The following PCDHGA12 variants were observed in gnomAD, a reference collection of about 807,000 sequenced individuals.
The protein encoded by PCDHGA12 is protocadherin gamma-A12.
In PCDHGA12, 43 loss-of-function variants were observed where a neutral mutation model predicts 61.1. That is an observed-to-expected ratio of 0.70 (90% CI 0.55 to 0.91). PCDHGA12 has a LOEUF of 0.91. Ranked by LOEUF, PCDHGA12 falls within the 40% of genes least tolerant of loss-of-function variation. The probability of loss-of-function intolerance (pLI) is 0.00; values close to 1 mark genes in which losing one functional copy is unlikely to be tolerated. For missense variants in PCDHGA12, 1,236 were observed against 1,227.7 expected (o/e 1.01, Z -0.10); for synonymous variants, 520 against 542.9 (o/e 0.96, Z 0.59).
At position 141,486,785 on chromosome 5, in the gene PCDHGA12, C is replaced by T. The variant is rs763174232; in HGVS notation, c.2425-8022C>T. 1.2e-5 allele frequency: 20 copies of T among 1,614,102 alleles called. No homozygotes were observed. The highest frequency in any genetic ancestry group is 5.3e-5 in the African/African-American group (4 of 74,936). On this transcript the variant is annotated intron_variant, in intron 1 of 3. Transcript: ENST00000252085. This position sits in a 1 kb window ranked among gnomAD's most constrained non-coding sequence, Gnocchi z 5.0. ...GACACTGCAGTTTGAGGTGCAGGCC[C>T]GGGATCGGGGCAACCCACCCCTTAG...
chr5:141,501,693 G>T (rs1417828433), intron 2 of PCDHGA12, among the ~76,000 whole-genome samples: 1 of 152,028 alleles, frequency 6.6e-6, no homozygotes, highest in Non-Finnish European at 1.5e-5. Context: ...TATCTGCAGG[G>T]TGATTCCGAG....
chr5:141,449,537 C>T (rs1377909573), intron 1 of PCDHGA12, among the ~76,000 whole-genome samples: 1 of 146,330 alleles, frequency 6.8e-6, no homozygotes, highest in Non-Finnish European at 1.5e-5. Flanking sequence ...TGCAGTGAGC[C>T]GAGATCGCAC....
chr5:141,431,163 A>G lies in PCDHGA12; in HGVS notation c.404A>G (p.Glu135Gly). Residue 135 changes from glutamate (E) to glycine (G), a missense_variant, in exon 1 of 4, where the codon GAA (glutamate) becomes GGA (glycine). Transcript: ENST00000252085. This position sits in a 1 kb window ranked among gnomAD's most constrained non-coding sequence, Gnocchi z 4.8. ...DINDNAPYFR[E>G]SELEIKISEN... is the part of the protein sequence containing the mutation. ...AACGACAATGCGCCTTACTTTCGTG[A>G]AAGTGAATTAGAAATAAAAATTAGT... 1 of 1,614,246 alleles carries G rather than the reference A, an allele frequency of 6.2e-7. No individual in the cohort carries two copies. Among genetic ancestry groups the G allele is most frequent in the Non-Finnish European group, 8.5e-7 (1 of 1,180,036 alleles).
At position 141,490,171 on chromosome 5, in the gene PCDHGA12, G is replaced by A. The variant is rs374421995; in HGVS notation, c.2425-4636G>A. 4 of 1,614,100 alleles carry A rather than the reference G, an allele frequency of 2.5e-6. No individual in the cohort carries two copies. The highest frequency in any genetic ancestry group is 3.4e-6 in the Non-Finnish European group (4 of 1,180,034). On this transcript the variant is annotated intron_variant, in intron 1 of 3. Coordinates refer to ENST00000252085, the MANE Select transcript of PCDHGA12 (RefSeq NM_003735.3). The surrounding 1 kb of genome is among the most constrained non-coding windows in gnomAD (Gnocchi z 5.4). ...CCATGTGTTGGGTCCCATAGACTTT[G>A]AGGAGTCACGTTTCTATGAAATTCA...
In PCDHGA12 at chr5:141,489,203, C is replaced by A; in HGVS notation, c.2425-5604C>A. On this transcript the variant is annotated intron_variant, in intron 1 of 3. Transcript: ENST00000252085. The surrounding 1 kb of genome is among the most constrained non-coding windows in gnomAD (Gnocchi z 4.5). ...CCCTGGGTCTACCTTGGAGACAGGA[C>A]AGCACAGACTTACTCTCCACAAAGG... is the stretch of plus-strand genomic sequence containing the variant. 7.1e-7 allele frequency: 1 copy of A among 1,414,834 alleles called. No individual in the cohort carries two copies. Among genetic ancestry groups the A allele is most frequent in the Non-Finnish European group, 9.6e-7 (1 of 1,040,052 alleles). The allele number at this position is 1,414,834 out of a possible 1,614,324, so 87.6% of individuals were successfully genotyped here.
In PCDHGA12 at chr5:141,486,369, C is replaced by T; in HGVS notation, c.2425-8438C>T. 8 of 1,614,128 alleles carry T rather than the reference C, an allele frequency of 5.0e-6. No homozygotes were observed. The highest frequency in any genetic ancestry group is 6.8e-6 in the Non-Finnish European group (8 of 1,179,996). On this transcript the variant is annotated intron_variant, in intron 1 of 3. Coordinates refer to ENST00000252085, the MANE Select transcript of PCDHGA12 (RefSeq NM_003735.3). The surrounding 1 kb of genome is among the most constrained non-coding windows in gnomAD (Gnocchi z 5.0). ...GACCACTTGCCATTTGCCCTCAAGT[C>T]TGCCTTCAGGAACCAGTTCTCCCTG...
Position 141,490,350 on chromosome 5 carries a change from G to T in PCDHGA12, c.2425-4457G>T. On this transcript the variant is annotated intron_variant, in intron 1 of 3. Transcript: ENST00000252085. This position sits in a 1 kb window ranked among gnomAD's most constrained non-coding sequence, Gnocchi z 5.4. Reference sequence around the variant, plus strand: ...GCACACCAGTGGGCACAGTAGTGGGGTTGTTTAATGTGCGAGACCGGGACT... The same window carrying T: ...GCACACCAGTGGGCACAGTAGTGGGTTTGTTTAATGTGCGAGACCGGGACT... 2 of 1,614,204 alleles carry T rather than the reference G, an allele frequency of 1.2e-6. No homozygotes were observed. The highest frequency in any genetic ancestry group is 1.7e-6 in the Non-Finnish European group (2 of 1,180,034).
intron 1 of PCDHGA12, among the ~76,000 whole-genome samples, chr5:141,435,783 G>A (rs1273339025): frequency 6.6e-6 from 1 of 152,124 alleles, no homozygotes; most frequent in Non-Finnish European, 1.5e-5. Context: ...TAAAGGTGCA[G>A]GGAAACATAA....
Position 141,476,852 on chromosome 5 carries a change from C to T in PCDHGA12, c.2425-17955C>T. 6.2e-7 allele frequency: 1 copy of T among 1,613,828 alleles called. No homozygotes were observed. Among genetic ancestry groups the T allele is most frequent in the Non-Finnish European group, 8.5e-7 (1 of 1,180,044 alleles). ...GAATGACAATGCGCCTGTCTTCAAC[C>T]AGTCCTTGTACCGGGCGCGCGTCCT... On this transcript the variant is annotated intron_variant, in intron 1 of 3. Coordinates refer to ENST00000252085, the MANE Select transcript of PCDHGA12 (RefSeq NM_003735.3). This position sits in a 1 kb window ranked among gnomAD's most constrained non-coding sequence, Gnocchi z 7.6.
intron 2 of PCDHGA12, among the ~76,000 whole-genome samples, chr5:141,496,767 T>C (rs2099771224): frequency 6.6e-6 from 1 of 152,040 alleles, no homozygotes; most frequent in Non-Finnish European, 1.5e-5. Flanking sequence ...ATCGAGCATC[T>C]ACTATGAGCA....
At chr5:141,470,815 G>A (rs891225908) in intron 1 of PCDHGA12, among the ~76,000 whole-genome samples, 1 of 151,980 alleles carries the variant, frequency 6.6e-6, no homozygotes, top group African/African-American at 2.4e-5. Flanking sequence ...AGCCTTCTGA[G>A]TAGTTAGGAC....
chr5:141,487,069 T>C lies in PCDHGA12; in HGVS notation c.2425-7738T>C, dbSNP rs750739955. 26 of 1,614,160 alleles carry C rather than the reference T, an allele frequency of 1.6e-5. No homozygotes were observed. Among genetic ancestry groups the C allele is most frequent in the Non-Finnish European group, 2.0e-5 (24 of 1,180,002 alleles). On this transcript the variant is annotated intron_variant, in intron 1 of 3. Transcript: ENST00000252085. This position sits in a 1 kb window ranked among gnomAD's most constrained non-coding sequence, Gnocchi z 5.0. The stretch of plus-strand genomic sequence containing the variant: ...ATGCTGGGGAGGTGCGGACGGCTGT[T>C]CCTATCCCAGCTGACCTCCCACCAC...
intron 1 of PCDHGA12, among the ~76,000 whole-genome samples, chr5:141,448,669 G>T: frequency 6.6e-6 from 1 of 152,136 alleles, no homozygotes; most frequent in East Asian, 1.9e-4. Flanking sequence ...GGCCGGGCGC[G>T]GTGGCTCACG....
intron 1 of PCDHGA12, chr5:141,441,118 G>C (rs1265461098): frequency 6.6e-6 from 1 of 152,212 alleles, no homozygotes; most frequent in Non-Finnish European, 1.5e-5. Flanking sequence ...CCAGTGTACA[G>C]TTGAGACCGA....
At position 141,489,097 on chromosome 5, in the gene PCDHGA12, C is replaced by A; in HGVS notation, c.2425-5710C>A. ...ACCCCCGCCACTCGGTGACTAAGAA[C>A]TGCTGCAAGCAGGCAAACCTCCGAG... On this transcript the variant is annotated intron_variant, in intron 1 of 3. Transcript: ENST00000252085. This position sits in a 1 kb window ranked among gnomAD's most constrained non-coding sequence, Gnocchi z 4.5. The A allele has an allele frequency of 2.6e-5, 8 of 313,358 alleles. No homozygotes were observed. Among genetic ancestry groups the A allele is most frequent in the Non-Finnish European group, 3.5e-5 (6 of 172,456 alleles). The allele number at this position is 313,358 out of a possible 1,614,324, so 19.4% of individuals were successfully genotyped here. A position where few individuals can be genotyped will look rare whatever the true frequency, so the allele number is the denominator to read the frequency against.
intron 2 of PCDHGA12, among the ~76,000 whole-genome samples, chr5:141,500,768 A>C (rs2099802446): frequency 6.6e-6 from 1 of 152,180 alleles, no homozygotes; most frequent in African/African-American, 2.4e-5. Flanking sequence ...AACTCCTCTT[A>C]TGAATATACA....
chr5:141,432,281 A>C lies in PCDHGA12; in HGVS notation c.1522A>C (p.Asn508His), dbSNP rs1313887209. 1 of 1,614,188 alleles carries C rather than the reference A, an allele frequency of 6.2e-7. No individual in the cohort carries two copies. The highest frequency in any genetic ancestry group is 1.1e-5 in the South Asian group (1 of 91,084). Residue 508 changes from asparagine to histidine, a missense_variant, in exon 1 of 4, where the codon AAC becomes CAC. Coordinates refer to ENST00000252085, the MANE Select transcript of PCDHGA12 (RefSeq NM_003735.3). The surrounding 1 kb of genome is among the most constrained non-coding windows in gnomAD (Gnocchi z 6.0). The part of the protein sequence containing the change: ...GASLSSYVSI[N>H]SDTGVLYALS... The stretch of plus-strand genomic sequence containing the variant: ...AAGCCTATCGTCCTACGTGTCCATC[A>C]ACTCCGACACTGGGGTACTGTATGC...
intron 2 of PCDHGA12, 105 bp downstream of exon 2, chr5:141,494,970 C>T (rs1352514628): frequency 1.9e-6 from 3 of 1,584,974 alleles, no homozygotes; most frequent in East Asian, 4.6e-5. Context: ...GATGGCTTCT[C>T]CCTCAGTTTG....
chr5:141,456,098 C>T (rs1222639126), intron 1 of PCDHGA12, among the ~76,000 whole-genome samples: 2 of 151,980 alleles, frequency 1.3e-5, no homozygotes, highest in Non-Finnish European at 2.9e-5. Flanking sequence ...GGGATTTCAC[C>T]GTGTTAGCCA....
Sources: gnomAD v4.1 joint callset for allele counts (sites outside exome capture counted in the v4.1 genomes callset) on GRCh38, gnomAD v4.1.1 for gene constraint, Gnocchi (gnomAD v3.1) non-coding constraint, MANE v1.5 for transcripts, NCBI Gene and HGNC (gene_info 2026-07-23, HGNC 2026-07-21) for gene names.